The following RUFY3 variants were observed in gnomAD, a reference collection of about 807,000 sequenced individuals.
The protein encoded by RUFY3 is protein RUFY3.
In RUFY3, 34 loss-of-function variants were observed where a neutral mutation model predicts 84.0. That is an observed-to-expected ratio of 0.40 (90% CI 0.31 to 0.54). The LOEUF is 0.54. Ranked by LOEUF, RUFY3 falls within the 20% of genes least tolerant of loss-of-function variation. The probability of loss-of-function intolerance (pLI) is 0.39; values close to 1 mark genes in which losing one functional copy is unlikely to be tolerated. For missense variants in RUFY3, 507 were observed against 736.8 expected (o/e 0.69, Z 3.61); for synonymous variants, 242 against 252.9 (o/e 0.96, Z 0.41).
At position 70,762,379 on chromosome 4, in the gene RUFY3, C is replaced by T. The variant is rs1560510741; in HGVS notation, c.179-140C>T. 3 of 683,210 alleles carry T rather than the reference C, an allele frequency of 4.4e-6. No homozygotes were observed. The East Asian group carries it at 7.8e-5, about 18-fold the overall frequency. The allele number at this position is 683,210 out of a possible 1,614,324, so 42.3% of individuals were successfully genotyped here. Reference sequence around the variant, plus strand: ...TTTGATAAAATAGTTCATTTTACTGCTTCATTGAGGATATTCTTAAAGGAA... The same window carrying T: ...TTTGATAAAATAGTTCATTTTACTGTTTCATTGAGGATATTCTTAAAGGAA... On this transcript the variant is annotated intron_variant, in intron 1 of 17. Coordinates refer to ENST00000381006, the MANE Select transcript of RUFY3 (RefSeq NM_001037442.4).
chr4:70,728,688 T>C (rs1245255946), intron 1 of RUFY3, among the ~76,000 whole-genome samples: 1 of 152,224 alleles, frequency 6.6e-6, no homozygotes, highest in African/African-American at 2.4e-5. Context: ...TGGTCTATTT[T>C]CTTTTTTCTT....
At chr4:70,786,517 GTCTTT>G (rs1353565032) in intron 10 of RUFY3, among the ~76,000 whole-genome samples, 2 of 150,522 alleles carry the variant, frequency 1.3e-5, no homozygotes, top group African/African-American at 4.9e-5. Context: ...TTAAATATTT[GTCTTT>G]TCTTTATGCT....
chr4:70,750,047 C>G (rs565214683), intron 1 of RUFY3, among the ~76,000 whole-genome samples: 1 of 151,702 alleles, frequency 6.6e-6, no homozygotes, highest in African/African-American at 2.4e-5. Flanking sequence ...GTTGCCCAGG[C>G]CAGAGTACAG....
chr4:70,745,481 C>T (rs142784065), intron 1 of RUFY3, among the ~76,000 whole-genome samples: 17 of 152,228 alleles, frequency 1.1e-4, no homozygotes, highest in African/African-American at 3.9e-4. Flanking sequence ...TTTAGTTTTT[C>T]AATAAATATC....
At chr4:70,770,391 A>G (rs756371846) in intron 5 of RUFY3, among the ~76,000 whole-genome samples, 8 of 152,206 alleles carry the variant, frequency 5.3e-5, no homozygotes, top group Non-Finnish European at 7.3e-5. Flanking sequence ...ACCTTCATCA[A>G]TTATCTTAAT....
chr4:70,741,595 T>A, intron 1 of RUFY3: 1 of 1,509,006 alleles, frequency 6.6e-7, no homozygotes, highest in Non-Finnish European at 8.8e-7. Context: ...ACATTTTATC[T>A]TTCTTTTCCT....
intron 5 of RUFY3, among the ~76,000 whole-genome samples, chr4:70,772,583 C>CA (rs1727145755): frequency 6.6e-6 from 1 of 152,130 alleles, no homozygotes; most frequent in Admixed American, 6.5e-5. Context: ...AATACTATGA[C>CA]AAACTTCTGT....
At chr4:70,773,342 T>C (rs531613233) in intron 5 of RUFY3, among the ~76,000 whole-genome samples, 169 bp from the exon 6 acceptor site, 157 of 152,336 alleles carry the variant, frequency 1.0e-3, no homozygotes, top group African/African-American at 3.6e-3. Flanking sequence ...TACTTCCAAC[T>C]CTTGTTAATT....
chr4:70,741,525 T>C, intron 1 of RUFY3: 1 of 926,628 alleles, frequency 1.1e-6, no homozygotes, highest in East Asian at 2.9e-5. Context: ...GGAACCTCCC[T>C]TTCAGTTATC....
chr4:70,713,086 C>A (rs1252236601), intron 1 of RUFY3, among the ~76,000 whole-genome samples: 2 of 152,162 alleles, frequency 1.3e-5, no homozygotes, highest in Admixed American at 6.5e-5. Context: ...TGCGATGGGG[C>A]AATCTTGCCT....
At chr4:70,803,078 G>A (rs902138464) in intron 16 of RUFY3, 95 bp downstream of exon 16, 29 of 854,994 alleles carry the variant, frequency 3.4e-5, no homozygotes, top group African/African-American at 3.4e-4. Context: ...GGCGGAAGAT[G>A]AGTGAATACA....
At chr4:70,739,254 A>G (rs977897223) in intron 1 of RUFY3, among the ~76,000 whole-genome samples, 3 of 152,070 alleles carry the variant, frequency 2.0e-5, no homozygotes, top group African/African-American at 7.2e-5. Context: ...TTAATTTGTC[A>G]TTTGGTTTAT....
chr4:70,804,207 G>T (rs1420017785), intron 16 of RUFY3, 141 bp from the exon 17 acceptor site: 1 of 616,170 alleles, frequency 1.6e-6, no homozygotes, highest in African/African-American at 1.8e-5. Flanking sequence ...TATGGTGGTA[G>T]GACTACCTAT....
chr4:70,765,746 A>T (rs1293805513), intron 4 of RUFY3, among the ~76,000 whole-genome samples: 2 of 150,148 alleles, frequency 1.3e-5, no homozygotes, highest in African/African-American at 4.9e-5. Flanking sequence ...CTATTTTGTC[A>T]TTTGTTAATA....
At chr4:70,725,438 C>G (rs1426056039) in intron 1 of RUFY3, among the ~76,000 whole-genome samples, 2 of 151,802 alleles carry the variant, frequency 1.3e-5, no homozygotes, top group Non-Finnish European at 2.9e-5. Flanking sequence ...TCAAGCGATT[C>G]TCCTGCCTCA....
chr4:70,793,556 C>G, intron 12 of RUFY3: 1 of 1,393,200 alleles, frequency 7.2e-7, no homozygotes, highest in Non-Finnish European at 9.3e-7. Context: ...AATGGAAAAT[C>G]AGCTTTTCCT....
At chr4:70,717,982 A>C (rs1329388520), upstream of RUFY3, among the ~76,000 whole-genome samples, 1 of 141,692 alleles carries the variant, frequency 7.1e-6, no homozygotes, top group African/African-American at 2.7e-5. Flanking sequence ...TCCCGGGTTC[A>C]CGCCATTCTC....
At chr4:70,707,909 T>C (rs1740524038) in intron 1 of RUFY3, among the ~76,000 whole-genome samples, 2 of 152,190 alleles carry the variant, frequency 1.3e-5, no homozygotes, top group South Asian at 4.1e-4. Context: ...GAATATTGCT[T>C]TCTGTAATGT....
At chr4:70,766,663 C>T (rs1725987527) in intron 4 of RUFY3, among the ~76,000 whole-genome samples, 4 of 152,182 alleles carry the variant, frequency 2.6e-5, no homozygotes, top group African/African-American at 4.8e-5. Context: ...TGTACAACCT[C>T]CCTCATTATC....
Sources: gnomAD v4.1 joint callset for allele counts (sites outside exome capture counted in the v4.1 genomes callset) on GRCh38, gnomAD v4.1.1 for gene constraint, MANE v1.5 for transcripts, NCBI Gene and HGNC (gene_info 2026-07-23, HGNC 2026-07-21) for gene names.